Variants in POLH observed in about 807,000 individuals in gnomAD.
The protein encoded by POLH is DNA polymerase eta transcript.
In POLH, 53 loss-of-function variants were observed where a neutral mutation model predicts 73.6. The observed-to-expected ratio is 0.72, with a 90% CI of 0.58 to 0.91. The LOEUF is 0.91. Among genes scored for constraint, POLH ranks in the 40% least tolerant of loss-of-function variants. The pLI is 0.00. For synonymous variants in POLH, 292 were observed against 308.5 expected, an observed-to-expected ratio of 0.95 and a Z score of 0.56; for missense variants, 768 against 865.4, an observed-to-expected ratio of 0.89 and a Z score of 1.41.
At chr6:43,583,752 A>G (rs9333512) in intron 3 of POLH, among the ~76,000 whole-genome samples, 35 of 152,344 alleles carry the variant, frequency 2.3e-4, no homozygotes, top group African/African-American at 8.2e-4. Context: ...CAATATCTCT[A>G]TTAAATCTGA....
At chr6:43,597,108 TA>T (rs1348661380) in intron 4 of POLH, among the ~76,000 whole-genome samples, 3 of 152,202 alleles carry the variant, frequency 2.0e-5, no homozygotes, top group African/African-American at 4.8e-5. Context: ...GTGTTTACAT[TA>T]TTTTTTTTTA....
chr6:43,605,434 G>GTT, intron 9 of POLH, 115 bp downstream of exon 9: 1 of 473,682 alleles, frequency 2.1e-6, no homozygotes. Context: ...GGAAATATCC[G>GTT]TTTTCTTTCT....
intron 4 of POLH, among the ~76,000 whole-genome samples, chr6:43,591,962 CTCTT>C (rs1279450520): frequency 6.6e-6 from 1 of 152,120 alleles, no homozygotes; most frequent in African/African-American, 2.4e-5. Context: ...GGACGTGTTC[CTCTT>C]TCTTCTACAC....
At chr6:43,578,195 T>C (rs924063285) in intron 1 of POLH, among the ~76,000 whole-genome samples, 1 of 151,856 alleles carries the variant, frequency 6.6e-6, no homozygotes, top group Admixed American at 6.6e-5. Flanking sequence ...GAGACTAGCC[T>C]GGCCAACATG....
chr6:43,614,092 C>T lies in POLH; in HGVS notation c.1677C>T (p.Asn559=). 6.2e-7 allele frequency: 1 copy of T among 1,614,250 alleles called. No homozygotes were observed. Among genetic ancestry groups the T allele is most frequent in the Non-Finnish European group, 8.5e-7 (1 of 1,180,032 alleles). The change falls in exon 11 of 11, where the codon AAC becomes AAT. Residue 559 remains asparagine (N), a synonymous_variant. Transcript: ENST00000372236. ...VSSPQQNPWS[N]CKALPNSLPT... The stretch of plus-strand genomic sequence containing the variant: ...CCCCCCAACAAAACCCATGGTCCAA[C>T]TGTAAAGCATTACCAAACTCTTTAC...
At chr6:43,601,387 TC>T (rs2127800336) in intron 6 of POLH, among the ~76,000 whole-genome samples, 1 of 152,270 alleles carries the variant, frequency 6.6e-6, no homozygotes, top group Non-Finnish European at 1.5e-5. Flanking sequence ...TGTCTCAGGC[TC>T]CTGAGTAGCT....
At chr6:43,581,612 G>T (rs1011228770) in intron 1 of POLH, among the ~76,000 whole-genome samples, 56 of 147,728 alleles carry the variant, frequency 3.8e-4, no homozygotes, top group African/African-American at 1.4e-3. Flanking sequence ...GGCGGCGCTC[G>T]CCGGCGCGGC....
intron 10 of POLH, among the ~76,000 whole-genome samples, 175 bp from the exon 11 acceptor site, chr6:43,613,485 T>C (rs538871256): frequency 1.3e-5 from 2 of 152,330 alleles, no homozygotes; most frequent in African/African-American, 2.4e-5. Flanking sequence ...ACATTAACGT[T>C]TGAGAACCAC....
chr6:43,612,888 G>C (rs1376006280), intron 10 of POLH, among the ~76,000 whole-genome samples: 1 of 148,786 alleles, frequency 6.7e-6, no homozygotes, highest in Non-Finnish European at 1.5e-5. Context: ...TGCAACCTCT[G>C]CCTCCCGGGT....
intron 3 of POLH, among the ~76,000 whole-genome samples, chr6:43,586,236 G>T (rs898336135): frequency 3.3e-5 from 5 of 151,930 alleles, no homozygotes; most frequent in African/African-American, 1.2e-4. Context: ...CCCAGCACTT[G>T]GGGAGGCCGA....
At chr6:43,602,050 C>G (rs574667468) in intron 6 of POLH, among the ~76,000 whole-genome samples, 161 of 152,274 alleles carry the variant, frequency 1.1e-3, no homozygotes, top group African/African-American at 3.3e-3. Context: ...AAGAGCAAGA[C>G]TCCGTCTTAA....
rs1768434682 is a variant in POLH at position 43,617,637 on chromosome 6, T to A, written c.*3080T>A. Reference sequence around the variant, plus strand: ...GTGACACTGTTTAAAAAAAAAAAAATTCCCAATGTGGGCCGGGTGCAGTGG... The same window carrying A: ...GTGACACTGTTTAAAAAAAAAAAAAATCCCAATGTGGGCCGGGTGCAGTGG... On this transcript the variant is annotated 3_prime_UTR_variant, in exon 11 of 11. Transcript: ENST00000372236. 6.6e-6 allele frequency among the ~76,000 whole-genome samples: 1 copy of A among 150,786 alleles called. No homozygotes were observed. The highest frequency in any genetic ancestry group is 1.5e-5 in the Non-Finnish European group (1 of 67,718).
Position 43,620,419 on chromosome 6 carries a change from CT to C in POLH, c.*5864del. 2.3e-6 allele frequency: 1 copy of C among 432,266 alleles called. No homozygotes were observed. The highest frequency in any genetic ancestry group is 4.5e-6 in the Non-Finnish European group (1 of 223,012). The allele number at this position is 432,266 out of a possible 1,614,324, so 26.8% of individuals were successfully genotyped here. On this transcript the variant is annotated 3_prime_UTR_variant, in exon 11 of 11. Coordinates refer to ENST00000372236, the MANE Select transcript of POLH (RefSeq NM_006502.3). ...AGGGCTCAGCAGTGTTGGGGTTTCA[CT>C]TGTCTCTAATCCTGAAGAGGTATCT...
At chr6:43,591,296 C>T (rs932580973) in intron 4 of POLH, 1 of 152,128 alleles carries the variant, frequency 6.6e-6, no homozygotes, top group Non-Finnish European at 1.5e-5. Context: ...TTCTGTACCA[C>T]ATCTTATTAC....
chr6:43,580,317 A>G (rs1298453556), intron 1 of POLH, among the ~76,000 whole-genome samples: 7 of 142,430 alleles, frequency 4.9e-5, no homozygotes, highest in Non-Finnish European at 9.3e-5. Flanking sequence ...TTCTTTCTAC[A>G]CAGACACGGC....
At chr6:43,605,921 AC>A (rs1767234711) in intron 9 of POLH, among the ~76,000 whole-genome samples, 1 of 151,750 alleles carries the variant, frequency 6.6e-6, no homozygotes, top group African/African-American at 2.4e-5. Flanking sequence ...ACGGGGTTCT[AC>A]CATATTGGCC....
chr6:43,599,902 T>C (rs960197776), intron 5 of POLH, among the ~76,000 whole-genome samples: 2 of 152,112 alleles, frequency 1.3e-5, no homozygotes, highest in African/African-American at 4.8e-5. Context: ...CTCACACCTG[T>C]AATCCCAGCA....
Position 43,610,673 on chromosome 6 carries a change from TG to T in POLH, c.1195del (p.Ala399HisfsTer46). The T allele has an allele frequency of 6.2e-6, 10 of 1,613,594 alleles. No homozygotes were observed. Among genetic ancestry groups the T allele is most frequent in the Non-Finnish European group, 8.5e-6 (10 of 1,179,922 alleles). On this transcript the variant is annotated frameshift_variant, in exon 10 of 11. Transcript: ENST00000372236. LOFTEE classifies it high-confidence loss of function. ...ATGATGCTCACAAGATGAGCCATGA[TG>T]CATTTACTGTCATCAAGAACTGTAA... Reference protein sequence around the residue: ...RYDAHKMSHDAFTVIKNCNTS... With the variant: ...RYDAHKMSHDXFTVIKNCNTS...
chr6:43,609,067 T>C (rs1216754681), intron 9 of POLH, among the ~76,000 whole-genome samples: 2 of 152,182 alleles, frequency 1.3e-5, no homozygotes, highest in Non-Finnish European at 2.9e-5. Context: ...GCTTCCTTGA[T>C]TTATTCAAAT....
Sources: gnomAD v4.1 joint callset for allele counts (sites outside exome capture counted in the v4.1 genomes callset) on GRCh38, gnomAD v4.1.1 for gene constraint, MANE v1.5 for transcripts, NCBI Gene and HGNC (gene_info 2026-07-23, HGNC 2026-07-21) for gene names.